Variants in SYNE1 observed in about 807,000 individuals in gnomAD.
The protein encoded by SYNE1 is nesprin-1.
Under a neutral mutation model 1,111.0 loss-of-function variants are expected in SYNE1, and 616 were observed. That is an observed-to-expected ratio of 0.55 (90% CI 0.52 to 0.59). SYNE1 has a LOEUF of 0.59. Among genes scored for constraint, SYNE1 ranks in the 20% least tolerant of loss-of-function variants. The probability of loss-of-function intolerance (pLI) is 0.00; values close to 1 mark genes in which losing one functional copy is unlikely to be tolerated. For missense variants in SYNE1, 10,006 were observed against 10,417.0 expected (o/e 0.96, Z 1.72); for synonymous variants, 3,855 against 3,825.8 (o/e 1.01, Z -0.28).
At position 152,381,431 on chromosome 6, in the gene SYNE1, G is replaced by A. The variant is rs541810279; in HGVS notation, c.8653-69C>T. On this transcript the variant is annotated intron_variant, in intron 55 of 145. Coordinates refer to ENST00000367255, the MANE Select transcript of SYNE1 (RefSeq NM_182961.4). ...ACTTGGACTGCAAGTTTTCAACTGT[G>A]TACACAGGGGGACCCTGTCCTGCCA... is the stretch of plus-strand genomic sequence containing the variant. 55 of 1,504,786 alleles carry A rather than the reference G, an allele frequency of 3.7e-5. No individual in the cohort carries two copies. The African/African-American group carries it at 6.7e-4, about 18-fold the overall frequency. 93.2% of individuals were successfully genotyped at this position (1,504,786 alleles called of 1,614,324 possible).
chr6:152,295,482 T>C (rs748501239), intron 93 of SYNE1, among the ~76,000 whole-genome samples: 4 of 152,292 alleles, frequency 2.6e-5, no homozygotes, highest in Non-Finnish European at 5.9e-5. Context: ...CTTGTAGTTA[T>C]GTCTGAAGTT....
chr6:152,226,284 C>T (rs977567511), intron 115 of SYNE1, among the ~76,000 whole-genome samples: 1 of 149,978 alleles, frequency 6.7e-6, no homozygotes, highest in Non-Finnish European at 1.5e-5. Flanking sequence ...GTATTCTGGG[C>T]CCTAGTATCT....
chr6:152,398,769 T>C, intron 48 of SYNE1, 38 bp from the exon 49 acceptor site: 2 of 1,546,098 alleles, frequency 1.3e-6, no homozygotes, highest in South Asian at 1.2e-5. Flanking sequence ...AAATAAAAAA[T>C]CAGAAGCAAA....
intron 58 of SYNE1, among the ~76,000 whole-genome samples, chr6:152,375,674 A>C (rs1483156507): frequency 6.6e-6 from 1 of 152,180 alleles, no homozygotes; most frequent in African/African-American, 2.4e-5. Context: ...CTGTGACCTC[A>C]CTGACGCTTT....
intron 108 of SYNE1, among the ~76,000 whole-genome samples, chr6:152,237,644 A>G (rs2084522883): frequency 6.6e-6 from 1 of 152,126 alleles, no homozygotes; most frequent in Non-Finnish European, 1.5e-5. Context: ...TCTTTACCAC[A>G]GTAAGGATTT....
chr6:152,428,135 C>T (rs1196208538), intron 37 of SYNE1, 70 bp downstream of exon 37: 1 of 1,589,000 alleles, frequency 6.3e-7, no homozygotes, highest in Non-Finnish European at 8.6e-7. Context: ...TACTCCCCAT[C>T]ACTTTAAGAA....
At chr6:152,531,332 T>A (rs2099200057) in intron 4 of SYNE1, among the ~76,000 whole-genome samples, 2 of 152,074 alleles carry the variant, frequency 1.3e-5, no homozygotes. Flanking sequence ...AAATGATAAG[T>A]GCTGAGTTAA....
At chr6:152,223,554 G>A (rs796120835) in intron 117 of SYNE1, among the ~76,000 whole-genome samples, 4 of 151,972 alleles carry the variant, frequency 2.6e-5, no homozygotes, top group African/African-American at 4.8e-5. Context: ...GGAGGCGGAG[G>A]TTGCAGTGAG....
intron 52 of SYNE1, 47 bp from the exon 53 acceptor site, chr6:152,390,499 C>G (rs775341204): frequency 6.3e-7 from 1 of 1,592,630 alleles, no homozygotes; most frequent in Admixed American, 1.7e-5. Flanking sequence ...TAAAAACCTT[C>G]TTCTATTTTA....
At chr6:152,489,018 A>G (rs1262889360) in intron 11 of SYNE1, among the ~76,000 whole-genome samples, 1 of 152,200 alleles carries the variant, frequency 6.6e-6, no homozygotes, top group Non-Finnish European at 1.5e-5. Context: ...ATCTTGTTCA[A>G]CACAGTATTC....
chr6:152,317,363 G>A (rs2153896544), intron 86 of SYNE1, among the ~76,000 whole-genome samples: 1 of 151,692 alleles, frequency 6.6e-6, no homozygotes, highest in African/African-American at 2.4e-5. Context: ...TGGGACCACA[G>A]GCACGTGCCA....
chr6:152,407,222 A>G, intron 44 of SYNE1, 26 bp from the exon 45 acceptor site: 1 of 1,611,424 alleles, frequency 6.2e-7, no homozygotes, highest in East Asian at 2.2e-5. Flanking sequence ...AAGCCATGGC[A>G]TTCATAGTCA....
At chr6:152,283,230 T>C (rs1415766055) in intron 96 of SYNE1, among the ~76,000 whole-genome samples, 1 of 152,226 alleles carries the variant, frequency 6.6e-6, no homozygotes, top group Non-Finnish European at 1.5e-5. Flanking sequence ...TTAAGTAACG[T>C]GGGAACCAGA....
At position 152,393,616 on chromosome 6, in the gene SYNE1, T is replaced by C. The variant is rs746676002; in HGVS notation, c.7712+1900A>G. Among the ~76,000 whole-genome samples the C allele has an allele frequency of 6.6e-4, 101 of 152,094 alleles. No homozygotes were observed. The Middle Eastern group carries it at 0.017, about 26-fold the overall frequency. On this transcript the variant is annotated intron_variant, in intron 51 of 145. Transcript: ENST00000367255. ...TAGAGTAAATGAAGAGCTTACACTATAGTAAGGGCTCATAGAGATGTTCCA... is the reference window on the plus strand; with the variant it reads ...TAGAGTAAATGAAGAGCTTACACTACAGTAAGGGCTCATAGAGATGTTCCA...
At chr6:152,364,499 C>T (rs2097016348) in intron 63 of SYNE1, among the ~76,000 whole-genome samples, 1 of 149,196 alleles carries the variant, frequency 6.7e-6, no homozygotes, top group Non-Finnish European at 1.5e-5. Flanking sequence ...CAAAAAGAAA[C>T]ATGCATTTTT....
At chr6:152,167,852 G>A (rs778232575) in intron 130 of SYNE1, 13 of 665,548 alleles carry the variant, frequency 2.0e-5, no homozygotes, top group Middle Eastern at 2.6e-4. Flanking sequence ...TGACGCATAC[G>A]GTCCAGAGAC....
chr6:152,276,543 C>T (rs1038184212), intron 98 of SYNE1, among the ~76,000 whole-genome samples: 2 of 152,130 alleles, frequency 1.3e-5, no homozygotes, highest in Middle Eastern at 3.2e-3. Context: ...TCCTAACAAT[C>T]ATCCTCACAC....
intron 123 of SYNE1, 44 bp downstream of exon 123, chr6:152,213,568 C>G: frequency 6.2e-7 from 1 of 1,609,332 alleles, no homozygotes; most frequent in Non-Finnish European, 8.5e-7. Context: ...CTTCTAAGGG[C>G]CTAAAAATTT....
chr6:152,363,314 G>A (rs1322150823), intron 63 of SYNE1, among the ~76,000 whole-genome samples: 1 of 146,492 alleles, frequency 6.8e-6, no homozygotes, highest in East Asian at 2.2e-4. Flanking sequence ...CTAACACAGT[G>A]AAACCCCGTC....
Sources: gnomAD v4.1 joint callset for allele counts (sites outside exome capture counted in the v4.1 genomes callset) on GRCh38, gnomAD v4.1.1 for gene constraint, MANE v1.5 for transcripts, NCBI Gene and HGNC (gene_info 2026-07-23, HGNC 2026-07-21) for gene names.